TMC7: variants seen among roughly 807,000 people sequenced by gnomAD.
TMC7 encodes transmembrane channel like 7.
In TMC7, 54 loss-of-function variants were observed where a neutral mutation model predicts 82.9. The observed-to-expected ratio is 0.65, with a 90% CI of 0.52 to 0.82. The LOEUF is 0.82. Among genes scored for constraint, TMC7 ranks in the 40% least tolerant of loss-of-function variants. TMC7 has a pLI of 0.00. For synonymous variants in TMC7, 350 were observed against 337.9 expected (o/e 1.04, Z -0.39); for missense variants, 820 against 901.2 (o/e 0.91, Z 1.15).
At chr16:19,059,844 G>A in intron 15 of TMC7, 1 of 579,570 alleles carries the variant, frequency 1.7e-6, no homozygotes, top group Non-Finnish European at 3.0e-6. Flanking sequence ...GGGCGTGGTG[G>A]TGGGCACCTG....
At chr16:19,047,340 T>A (rs1961323985) in intron 12 of TMC7, 91 bp downstream of exon 12, 5 of 1,073,854 alleles carry the variant, frequency 4.7e-6, no homozygotes, top group Non-Finnish European at 6.7e-6. Flanking sequence ...TCACATCCCA[T>A]GAGACGTATC....
At chr16:19,030,169 T>A (rs4381586) in intron 5 of TMC7, 55 bp from the exon 6 acceptor site, 1 of 1,563,188 alleles carries the variant, frequency 6.4e-7, no homozygotes, top group South Asian at 1.2e-5. Context: ...ACTACTCTTC[T>A]GGTTCCCTGC....
intron 6 of TMC7, among the ~76,000 whole-genome samples, chr16:19,034,214 A>G (rs1401526209): frequency 6.6e-6 from 1 of 152,234 alleles, no homozygotes. Flanking sequence ...CCTGCTCTCA[A>G]GGAATTTAAA....
chr16:19,050,760 C>G (rs938991663), intron 12 of TMC7, among the ~76,000 whole-genome samples: 1 of 152,140 alleles, frequency 6.6e-6, no homozygotes, highest in Admixed American at 6.5e-5. Context: ...CTAGGCCTCC[C>G]GAAGTGCTGG....
Position 19,059,783 on chromosome 16 carries a change from C to T in TMC7, c.2106+289C>T, listed in dbSNP as rs986317595. 5.8e-6 allele frequency: 6 copies of T among 1,026,300 alleles called. No homozygotes were observed. The Admixed American group carries it at 1.2e-4, about 20-fold the overall frequency. The allele number at this position is 1,026,300 out of a possible 1,614,324, so 63.6% of individuals were successfully genotyped here. A position where few individuals can be genotyped will look rare whatever the true frequency, so the allele number is the denominator to read the frequency against. On this transcript the variant is annotated intron_variant, in intron 15 of 15. Coordinates refer to ENST00000304381, the MANE Select transcript of TMC7 (RefSeq NM_024847.4). ...CTTGAGCTCAGGAGTTCAAGACCAG[C>T]CTGGCCAACATGGTGAAACCCCGTC...
intron 12 of TMC7, 140 bp downstream of exon 12, chr16:19,047,389 G>T: frequency 1.6e-5 from 10 of 642,172 alleles, no homozygotes; most frequent in South Asian, 2.8e-5. Flanking sequence ...GTTTATTCTA[G>T]AAAAATATTG....
intron 1 of TMC7, among the ~76,000 whole-genome samples, chr16:18,995,147 C>T (rs2039021658): frequency 6.6e-6 from 1 of 152,032 alleles, no homozygotes; most frequent in East Asian, 1.9e-4. Context: ...AAAAGGAGTA[C>T]ATTAAAGAAT....
chr16:19,017,615 T>C (rs1056693382), intron 3 of TMC7, among the ~76,000 whole-genome samples: 6 of 151,002 alleles, frequency 4.0e-5, no homozygotes, highest in Non-Finnish European at 8.8e-5. Flanking sequence ...AGCCCAGGAG[T>C]TTGAGACCAG....
chr16:19,005,035 C>T (rs1399564686), intron 1 of TMC7, among the ~76,000 whole-genome samples: 2 of 151,080 alleles, frequency 1.3e-5, no homozygotes, highest in East Asian at 3.9e-4. Context: ...TTAAGTGTGA[C>T]GATGCATGTT....
chr16:19,051,684 A>C lies in TMC7; in HGVS notation c.1741-2A>C, dbSNP rs1406589243. 1 of 1,613,534 alleles carries C rather than the reference A, an allele frequency of 6.2e-7. No individual in the cohort carries two copies. Among genetic ancestry groups the C allele is most frequent in the Non-Finnish European group, 8.5e-7 (1 of 1,179,822 alleles). ...AATTTTTCTTTCTTTTTCTCCTTGTAGTGGAGTCTGCTTTACACCTGCAGA... is the reference window on the plus strand; with the variant it reads ...AATTTTTCTTTCTTTTTCTCCTTGTCGTGGAGTCTGCTTTACACCTGCAGA... On this transcript the variant is annotated splice_acceptor_variant, in intron 12 of 15. Coordinates refer to ENST00000304381, the MANE Select transcript of TMC7 (RefSeq NM_024847.4). LOFTEE classifies it high-confidence loss of function.
intron 1 of TMC7, among the ~76,000 whole-genome samples, chr16:19,000,370 G>C (rs1050003754): frequency 1.3e-5 from 2 of 152,234 alleles, no homozygotes; most frequent in Non-Finnish European, 2.9e-5. Context: ...GGGAGGCTGA[G>C]GCAGGAGAAT....
intron 1 of TMC7, among the ~76,000 whole-genome samples, chr16:18,991,724 A>T (rs1423154049): frequency 1.3e-5 from 2 of 152,038 alleles, no homozygotes; most frequent in East Asian, 3.9e-4. Context: ...TCCTAATGCT[A>T]TCCCTCCCCC....
At chr16:19,008,141 C>G (rs1253563043) in intron 1 of TMC7, among the ~76,000 whole-genome samples, 2 of 152,130 alleles carry the variant, frequency 1.3e-5, no homozygotes, top group Non-Finnish European at 2.9e-5. Flanking sequence ...CTGCCTGCCC[C>G]CTCTTCTCCC....
At chr16:19,035,290 A>G (rs903701555) in intron 6 of TMC7, among the ~76,000 whole-genome samples, 9 of 152,172 alleles carry the variant, frequency 5.9e-5, no homozygotes, top group African/African-American at 1.9e-4. Context: ...AGAGGGAGAG[A>G]GGGAGGCAAG....
At chr16:19,027,639 C>A (rs1960298746) in intron 5 of TMC7, among the ~76,000 whole-genome samples, 1 of 152,008 alleles carries the variant, frequency 6.6e-6, no homozygotes, top group South Asian at 2.1e-4. Flanking sequence ...CAGCCCTTGG[C>A]AGTATAAACA....
At chr16:19,040,216 CT>C (rs1960948488) in intron 8 of TMC7, 72 bp from the exon 9 acceptor site, 1 of 1,326,254 alleles carries the variant, frequency 7.5e-7, no homozygotes, top group Non-Finnish European at 1.0e-6. Flanking sequence ...TAGTTGAGTT[CT>C]TTTTTGTTCT....
chr16:18,996,285 G>C (rs1022150792), intron 1 of TMC7, among the ~76,000 whole-genome samples: 2 of 152,116 alleles, frequency 1.3e-5, no homozygotes, highest in African/African-American at 4.8e-5. Context: ...GTGACTGAGG[G>C]AACAGACAGG....
chr16:19,000,937 T>C (rs12926505), intron 1 of TMC7, among the ~76,000 whole-genome samples: 26,210 of 152,000 alleles, frequency 0.17, 2,394 homozygotes, highest in Non-Finnish European at 0.2. Flanking sequence ...AGAGGATTGC[T>C]TGAGCCTGGG....
Position 18,983,958 on chromosome 16 carries a change from C to T in TMC7, c.-106C>T. 5 of 1,238,020 alleles carry T rather than the reference C, an allele frequency of 4.0e-6. No individual in the cohort carries two copies. Among genetic ancestry groups the T allele is most frequent in the Non-Finnish European group, 5.2e-6 (5 of 961,728 alleles). The allele number at this position is 1,238,020 out of a possible 1,614,324, so 76.7% of individuals were successfully genotyped here. On this transcript the variant is annotated 5_prime_UTR_variant, in exon 1 of 16. Coordinates refer to ENST00000304381, the MANE Select transcript of TMC7 (RefSeq NM_024847.4). ...CACTCCGGCTTCTGTGATGTCAGCGCCGGAACCTGGAATCCCGGCTCCGCG... is the reference window on the plus strand; with the variant it reads ...CACTCCGGCTTCTGTGATGTCAGCGTCGGAACCTGGAATCCCGGCTCCGCG...
Sources: gnomAD v4.1 joint callset for allele counts (sites outside exome capture counted in the v4.1 genomes callset) on GRCh38, gnomAD v4.1.1 for gene constraint, MANE v1.5 for transcripts, NCBI Gene and HGNC (gene_info 2026-07-23, HGNC 2026-07-21) for gene names.